The following KIAA1549L variants were observed in gnomAD, a reference collection of about 807,000 sequenced individuals.
KIAA1549L encodes the protein KIAA1549 like, also known as UPF0606 protein KIAA1549L.
A neutral mutation model predicts 160.7 loss-of-function variants in KIAA1549L; 88 were observed. The ratio of observed to expected loss-of-function variants is 0.55; its 90% CI spans 0.46 to 0.65. KIAA1549L has a LOEUF of 0.65. Ranked by LOEUF, KIAA1549L falls within the 30% of genes least tolerant of loss-of-function variation. The probability of loss-of-function intolerance (pLI) is 0.00; values close to 1 mark genes in which losing one functional copy is unlikely to be tolerated. For synonymous variants in KIAA1549L, 950 were observed against 976.7 expected (o/e 0.97, Z 0.51); for missense variants, 2,258 against 2,437.5 (o/e 0.93, Z 1.55).
At chr11:33,416,753 C>A (rs1215549195) in intron 1 of KIAA1549L, among the ~76,000 whole-genome samples, 1 of 152,170 alleles carries the variant, frequency 6.6e-6, no homozygotes, top group African/African-American at 2.4e-5. Flanking sequence ...TAGTAATAGT[C>A]ACTTTATGGA....
chr11:33,589,589 T>C (rs1020033046), intron 11 of KIAA1549L, among the ~76,000 whole-genome samples: 1 of 152,190 alleles, frequency 6.6e-6, no homozygotes, highest in East Asian at 1.9e-4. Flanking sequence ...CCATAAAAAA[T>C]GAAGAGTTCA....
intron 1 of KIAA1549L, among the ~76,000 whole-genome samples, chr11:33,388,663 G>A (rs1351334895): frequency 1.3e-5 from 2 of 152,120 alleles, no homozygotes; most frequent in Non-Finnish European, 2.9e-5. Flanking sequence ...TGTGTCATGA[G>A]AGAACTTGAA....
chr11:33,616,982 TA>T (rs1409813623), intron 15 of KIAA1549L, among the ~76,000 whole-genome samples: 4 of 151,902 alleles, frequency 2.6e-5, no homozygotes, highest in African/African-American at 9.7e-5. Context: ...CTACAAAAAT[TA>T]CAAAAAAATT....
At chr11:33,497,081 T>C (rs1852838188) in intron 1 of KIAA1549L, among the ~76,000 whole-genome samples, 1 of 152,050 alleles carries the variant, frequency 6.6e-6, no homozygotes, top group Non-Finnish European at 1.5e-5. Flanking sequence ...CGAGAAGCCT[T>C]CCCTGGCCCC....
chr11:33,605,511 A>C (rs1343107305), intron 13 of KIAA1549L, among the ~76,000 whole-genome samples: 1 of 152,244 alleles, frequency 6.6e-6, no homozygotes, highest in African/African-American at 2.4e-5. Flanking sequence ...AACTTAAAAA[A>C]AAATCCAATT....
At chr11:33,485,016 C>T (rs1322402576) in intron 1 of KIAA1549L, among the ~76,000 whole-genome samples, 1 of 152,148 alleles carries the variant, frequency 6.6e-6, no homozygotes, top group Non-Finnish European at 1.5e-5. Flanking sequence ...CTTCCTTCAT[C>T]CCCTGATTTT....
At chr11:33,564,060 G>T (rs1000691088) in intron 8 of KIAA1549L, among the ~76,000 whole-genome samples, 1 of 152,048 alleles carries the variant, frequency 6.6e-6, no homozygotes, top group Admixed American at 6.6e-5. Context: ...ATTGCTGTTG[G>T]TGTTCAGAAT....
At chr11:33,409,375 G>A (rs907051138) in intron 1 of KIAA1549L, among the ~76,000 whole-genome samples, 1 of 152,154 alleles carries the variant, frequency 6.6e-6, no homozygotes, top group Non-Finnish European at 1.5e-5. Flanking sequence ...GATGACATTT[G>A]CTATCCTGAA....
intron 1 of KIAA1549L, among the ~76,000 whole-genome samples, chr11:33,378,417 GCTC>G (rs76438716): frequency 0.073 from 11,047 of 152,032 alleles, 464 homozygotes; most frequent in South Asian, 0.13. Context: ...ACTTTCCTTG[GCTC>G]CTCTTTCAGA....
intron 11 of KIAA1549L, among the ~76,000 whole-genome samples, chr11:33,590,928 C>A (rs1850034623): frequency 6.6e-6 from 1 of 152,142 alleles, no homozygotes; most frequent in Non-Finnish European, 1.5e-5. Flanking sequence ...TTTGCAGCAT[C>A]CATTGACTTA....
chr11:33,628,039 T>C (rs1851168589), intron 16 of KIAA1549L, among the ~76,000 whole-genome samples: 1 of 152,210 alleles, frequency 6.6e-6, no homozygotes, highest in African/African-American at 2.4e-5. Flanking sequence ...TCATTCGTTA[T>C]GTACCCAGTA....
At chr11:33,442,140 G>A (rs1286236078) in intron 1 of KIAA1549L, among the ~76,000 whole-genome samples, 2 of 151,916 alleles carry the variant, frequency 1.3e-5, no homozygotes, top group Non-Finnish European at 2.9e-5. Context: ...TCTACATATG[G>A]CTAGCCAGTT....
At chr11:33,518,218 A>G (rs1001262242) in intron 1 of KIAA1549L, among the ~76,000 whole-genome samples, 3 of 151,152 alleles carry the variant, frequency 2.0e-5, no homozygotes, top group Non-Finnish European at 4.4e-5. Context: ...CTATGTCTAC[A>G]GTGGTAAAAC....
intron 1 of KIAA1549L, among the ~76,000 whole-genome samples, chr11:33,393,795 A>C (rs1317925778): frequency 6.6e-6 from 1 of 152,230 alleles, no homozygotes; most frequent in Non-Finnish European, 1.5e-5. Context: ...CGAAAACTTG[A>C]GAGCCGCTCT....
chr11:33,478,358 G>C (rs1590275009), intron 1 of KIAA1549L, among the ~76,000 whole-genome samples: 1 of 152,244 alleles, frequency 6.6e-6, no homozygotes, highest in Non-Finnish European at 1.5e-5. Flanking sequence ...GCTATGTCTT[G>C]CAGGGATTGC....
chr11:33,550,468 C>T (rs1459963801), intron 4 of KIAA1549L, among the ~76,000 whole-genome samples: 1 of 152,040 alleles, frequency 6.6e-6, no homozygotes, highest in Non-Finnish European at 1.5e-5. Flanking sequence ...CATCAGTGTC[C>T]CCTAGGATTC....
chr11:33,599,504 A>AAAAAG (rs901852244), intron 13 of KIAA1549L: 6 of 152,026 alleles, frequency 3.9e-5, no homozygotes, highest in Admixed American at 1.3e-4. Flanking sequence ...CAAAAAAAAA[A>AAAAAG]AAAAGAAAAG....
chr11:33,611,525 A>C (rs576894267), intron 15 of KIAA1549L, among the ~76,000 whole-genome samples: 1 of 152,306 alleles, frequency 6.6e-6, no homozygotes, highest in African/African-American at 2.4e-5. Flanking sequence ...ATGACAAGCT[A>C]TTGATATCAA....
At position 33,670,959 on chromosome 11, in the gene KIAA1549L, A is replaced by G. The variant is rs1382419649; in HGVS notation, c.*2805A>G. 2 of 152,220 alleles carry G rather than the reference A, an allele frequency of 1.3e-5. No individual in the cohort carries two copies. Among genetic ancestry groups the G allele is most frequent in the Non-Finnish European group, 2.9e-5 (2 of 68,040 alleles). The allele number at this position is 152,220 out of a possible 1,614,324, so 9.4% of individuals were successfully genotyped here. Reference sequence around the variant, plus strand: ...CCATGTGGCCTGCAGGCTTGTCAGTAACACATTTCTTTAGCTGTGCCTAGA... The same window carrying G: ...CCATGTGGCCTGCAGGCTTGTCAGTGACACATTTCTTTAGCTGTGCCTAGA... On this transcript the variant is annotated 3_prime_UTR_variant, in exon 21 of 21. Transcript: ENST00000658780.
Sources: allele counts gnomAD v4.1 joint callset (sites outside exome capture counted in the v4.1 genomes callset), GRCh38; gene constraint gnomAD v4.1.1; transcripts MANE v1.5; gene names NCBI Gene and HGNC (gene_info 2026-07-23, HGNC 2026-07-21).